Variants in STAG1 observed in about 807,000 individuals in gnomAD.
The protein encoded by STAG1 is cohesin subunit SA-1.
Under a neutral mutation model 170.9 loss-of-function variants are expected in STAG1, and 26 were observed. That is an observed-to-expected ratio of 0.15 (90% CI 0.11 to 0.21). STAG1 has a LOEUF of 0.21. Ranked by LOEUF, STAG1 falls within the 10% of genes least tolerant of loss-of-function variation. The pLI, the probability that STAG1 is intolerant of heterozygous loss-of-function variation, is 1.00. For missense variants in STAG1, 964 were observed against 1,509.5 expected, an observed-to-expected ratio of 0.64 and a Z score of 5.99; for synonymous variants, 514 against 497.7, an observed-to-expected ratio of 1.03 and a Z score of -0.44.
chr3:136,590,491 T>A (rs1179576026), intron 4 of STAG1, among the ~76,000 whole-genome samples: 5 of 146,362 alleles, frequency 3.4e-5, no homozygotes, highest in African/African-American at 1.0e-4. Context: ...AGACTCTGTC[T>A]CAAAAAAAAA....
intron 6 of STAG1, among the ~76,000 whole-genome samples, chr3:136,534,908 A>G (rs182246944): frequency 6.6e-6 from 1 of 152,238 alleles, no homozygotes; most frequent in African/African-American, 2.4e-5. Flanking sequence ...ATTTATCCAA[A>G]GGAAAAGAAA....
intron 16 of STAG1, among the ~76,000 whole-genome samples, chr3:136,428,236 C>A (rs1305545023): frequency 3.3e-5 from 5 of 152,180 alleles, no homozygotes; most frequent in African/African-American, 1.2e-4. Context: ...TGCTAACTCT[C>A]AAAAGCCTTG....
intron 23 of STAG1, among the ~76,000 whole-genome samples, chr3:136,371,766 G>A (rs1328768103): frequency 1.3e-5 from 2 of 152,130 alleles, no homozygotes; most frequent in African/African-American, 2.4e-5. Context: ...TAGCCTTGTA[G>A]TATAGTTTGA....
intron 22 of STAG1, among the ~76,000 whole-genome samples, chr3:136,386,275 G>A (rs909398779): frequency 6.6e-6 from 1 of 152,164 alleles, no homozygotes; most frequent in Non-Finnish European, 1.5e-5. Flanking sequence ...GGAGGCGGAG[G>A]TTGTGGTGAG....
At chr3:136,600,916 A>G (rs922702073) in intron 4 of STAG1, among the ~76,000 whole-genome samples, 1 of 151,158 alleles carries the variant, frequency 6.6e-6, no homozygotes, top group African/African-American at 2.4e-5. Context: ...TTTGAGAAGA[A>G]GTCTTCCTCT....
At chr3:136,383,645 C>T (rs186747551) in intron 22 of STAG1, among the ~76,000 whole-genome samples, 123 of 152,086 alleles carry the variant, frequency 8.1e-4, no homozygotes, top group Non-Finnish European at 1.5e-3. Context: ...GTATTATCAC[C>T]CCCACTTTAT....
At chr3:136,522,206 G>A (rs193074463) in intron 6 of STAG1, among the ~76,000 whole-genome samples, 4 of 152,298 alleles carry the variant, frequency 2.6e-5, no homozygotes, top group Non-Finnish European at 4.4e-5. Context: ...AGAACAAAGT[G>A]CTGCTAGGCA....
intron 6 of STAG1, among the ~76,000 whole-genome samples, chr3:136,524,022 G>T (rs563536156): frequency 6.6e-6 from 1 of 152,050 alleles, no homozygotes; most frequent in East Asian, 1.9e-4. Context: ...TTGAAGTCAG[G>T]TAGCATGATG....
chr3:136,487,605 T>G (rs1559835295), intron 9 of STAG1, among the ~76,000 whole-genome samples: 1 of 152,236 alleles, frequency 6.6e-6, no homozygotes, highest in Non-Finnish European at 1.5e-5. Flanking sequence ...TGGGTTCTAG[T>G]GCTCCAATCC....
chr3:136,484,812 C>T (rs1356907669), intron 9 of STAG1, among the ~76,000 whole-genome samples: 2 of 151,748 alleles, frequency 1.3e-5, no homozygotes, highest in Non-Finnish European at 2.9e-5. Flanking sequence ...CTGAAAAGCG[C>T]AATATTCGGG....
chr3:136,439,950 T>C (rs1005867764), intron 15 of STAG1, among the ~76,000 whole-genome samples: 6 of 152,120 alleles, frequency 3.9e-5, no homozygotes, highest in Non-Finnish European at 7.4e-5. Context: ...AAAAATCCAA[T>C]GTAAACAGAA....
At chr3:136,487,903 A>G (rs80009029) in intron 9 of STAG1, among the ~76,000 whole-genome samples, 1,886 of 152,302 alleles carry the variant, frequency 0.012, 40 homozygotes, top group African/African-American at 0.043. Context: ...TCTTGATGAC[A>G]TTCAAGGTGC....
intron 1 of STAG1, among the ~76,000 whole-genome samples, chr3:136,737,468 C>T (rs1934407064): frequency 6.6e-6 from 1 of 152,128 alleles, no homozygotes; most frequent in African/African-American, 2.4e-5. Context: ...AAACTCCTGA[C>T]CTCATGTGAT....
intron 4 of STAG1, among the ~76,000 whole-genome samples, chr3:136,591,217 CAAA>C (rs574644995): frequency 1.7e-5 from 1 of 57,844 alleles, no homozygotes; most frequent in African/African-American, 9.8e-5. Context: ...AGTCTTTTTT[CAAA>C]AAAAAAAAAA....
At chr3:136,703,189 A>G (rs1247469556) in intron 1 of STAG1, among the ~76,000 whole-genome samples, 1 of 152,178 alleles carries the variant, frequency 6.6e-6, no homozygotes, top group East Asian at 1.9e-4. Flanking sequence ...ACTACAAGAA[A>G]TCAACTATTC....
intron 1 of STAG1, among the ~76,000 whole-genome samples, chr3:136,751,162 G>C (rs35874192): frequency 0.66 from 98,612 of 149,838 alleles, 34,665 homozygotes; most frequent in African/African-American, 0.9. Context: ...TTTTTTTTAT[G>C]ACAAATTGCG....
At chr3:136,649,909 A>T (rs981245877) in intron 1 of STAG1, among the ~76,000 whole-genome samples, 2 of 152,018 alleles carry the variant, frequency 1.3e-5, no homozygotes, top group Admixed American at 1.3e-4. Flanking sequence ...CTGGGACTAC[A>T]GGCACATGCC....
chr3:136,371,672 G>A (rs1166814255), intron 23 of STAG1, among the ~76,000 whole-genome samples: 10 of 152,080 alleles, frequency 6.6e-5, no homozygotes. Flanking sequence ...TTGTAGATAT[G>A]CGGCATTATT....
intron 22 of STAG1, among the ~76,000 whole-genome samples, chr3:136,395,925 C>G (rs1241166527): frequency 1.3e-5 from 2 of 152,132 alleles, no homozygotes; most frequent in African/African-American, 4.8e-5. Flanking sequence ...CAAAAAAAGA[C>G]AAGAGGCTCG....
Sources: gnomAD v4.1 joint callset for allele counts (sites outside exome capture counted in the v4.1 genomes callset) on GRCh38, gnomAD v4.1.1 for gene constraint, MANE v1.5 for transcripts, NCBI Gene and HGNC (gene_info 2026-07-23, HGNC 2026-07-21) for gene names.